The following TBC1D5 variants were observed in gnomAD, a reference collection of about 807,000 sequenced individuals.
TBC1D5 encodes the protein TBC1 domain family member 5.
In TBC1D5, 75 loss-of-function variants were observed where a neutral mutation model predicts 100.3. The ratio of observed to expected loss-of-function variants is 0.75; its 90% CI spans 0.62 to 0.91. The LOEUF is 0.91. Ranked by LOEUF, TBC1D5 falls within the 40% of genes least tolerant of loss-of-function variation. The pLI is 0.00. For synonymous variants in TBC1D5, 323 were observed against 325.6 expected (o/e 0.99, Z 0.09); for missense variants, 910 against 942.4 (o/e 0.97, Z 0.45).
At chr3:17,202,151 TA>T (rs2071539846) in intron 18 of TBC1D5, among the ~76,000 whole-genome samples, 1 of 152,222 alleles carries the variant, frequency 6.6e-6, no homozygotes, top group African/African-American at 2.4e-5. Context: ...ATGAGAAACT[TA>T]TTGGGAATTA....
At chr3:17,742,323 T>G (rs1560604498), upstream of TBC1D5, among the ~76,000 whole-genome samples, 2 of 152,088 alleles carry the variant, frequency 1.3e-5, no homozygotes, top group African/African-American at 4.8e-5. Context: ...CGGCGGCGGC[T>G]GCGGCTGCAG....
chr3:17,631,499 G>A (rs1378880727), intron 1 of TBC1D5, among the ~76,000 whole-genome samples: 1 of 152,198 alleles, frequency 6.6e-6, no homozygotes, highest in Non-Finnish European at 1.5e-5. Flanking sequence ...CAATGTAGAC[G>A]AAACAATATA....
At chr3:17,455,327 T>TAA (rs1559923545) in intron 3 of TBC1D5, among the ~76,000 whole-genome samples, 194 of 145,156 alleles carry the variant, frequency 1.3e-3, no homozygotes, top group African/African-American at 5.0e-3. Flanking sequence ...TGTATATGTG[T>TAA]ATATATGTAT....
intron 2 of TBC1D5, among the ~76,000 whole-genome samples, chr3:17,603,773 G>A (rs895304603): frequency 3.3e-5 from 5 of 151,902 alleles, no homozygotes; most frequent in African/African-American, 7.3e-5. Flanking sequence ...TCAACCTCCC[G>A]AGTAGCTGGG....
intron 18 of TBC1D5, among the ~76,000 whole-genome samples, chr3:17,203,231 G>A (rs574249546): frequency 1.3e-5 from 2 of 152,242 alleles, no homozygotes; most frequent in African/African-American, 2.4e-5. Flanking sequence ...TGACTGCCCT[G>A]CTGGGTTTCA....
At chr3:17,422,579 A>T (rs972650557) in intron 4 of TBC1D5, among the ~76,000 whole-genome samples, 7 of 152,094 alleles carry the variant, frequency 4.6e-5, no homozygotes, top group African/African-American at 9.7e-5. Context: ...CTGAATTTTA[A>T]ATCTTGCTGC....
intron 4 of TBC1D5, among the ~76,000 whole-genome samples, chr3:17,425,513 G>T (rs2094314990): frequency 6.6e-6 from 1 of 152,138 alleles, no homozygotes; most frequent in African/African-American, 2.4e-5. Flanking sequence ...TGTCGTCCCA[G>T]CTACTCAGGA....
intron 2 of TBC1D5, among the ~76,000 whole-genome samples, chr3:17,522,989 T>C (rs1307615236): frequency 6.6e-6 from 1 of 152,170 alleles, no homozygotes. Flanking sequence ...TTGAACAAAT[T>C]AGCATCATTT....
At chr3:17,452,459 T>C (rs1426887016) in intron 3 of TBC1D5, among the ~76,000 whole-genome samples, 2 of 152,054 alleles carry the variant, frequency 1.3e-5, no homozygotes, top group Admixed American at 6.6e-5. Flanking sequence ...TAAGGATACA[T>C]AGAGACTGAA....
At chr3:17,514,800 A>G (rs901407889) in intron 2 of TBC1D5, among the ~76,000 whole-genome samples, 35 of 152,276 alleles carry the variant, frequency 2.3e-4, no homozygotes, top group Middle Eastern at 6.8e-3. Context: ...GTGTATTCTC[A>G]TACAGTTTCA....
At chr3:17,456,668 T>C (rs1672073240) in intron 3 of TBC1D5, among the ~76,000 whole-genome samples, 2 of 152,200 alleles carry the variant, frequency 1.3e-5, no homozygotes, top group African/African-American at 4.8e-5. Flanking sequence ...GGTGAGGATG[T>C]AGAACTCTTA....
At chr3:17,521,241 C>T (rs566173020) in intron 2 of TBC1D5, among the ~76,000 whole-genome samples, 27 of 152,196 alleles carry the variant, frequency 1.8e-4, no homozygotes, top group East Asian at 1.5e-3. Flanking sequence ...TGAACTGCAC[C>T]GGTCCATGTG....
At chr3:17,633,445 G>GA (rs2063657480) in intron 1 of TBC1D5, among the ~76,000 whole-genome samples, 1 of 151,624 alleles carries the variant, frequency 6.6e-6, no homozygotes, top group African/African-American at 2.4e-5. Flanking sequence ...CTCAAAAAAA[G>GA]AAAAAATAAC....
intron 3 of TBC1D5, among the ~76,000 whole-genome samples, chr3:17,452,937 T>TAA (rs139238946): frequency 5.1e-4 from 77 of 149,856 alleles, no homozygotes; most frequent in Middle Eastern, 3.5e-3. Flanking sequence ...CTTAAAACAT[T>TAA]AAAAAAAAAT....
At chr3:17,526,769 AT>A (rs899266600) in intron 2 of TBC1D5, among the ~76,000 whole-genome samples, 1 of 152,230 alleles carries the variant, frequency 6.6e-6, no homozygotes, top group Non-Finnish European at 1.5e-5. Context: ...TAGTGAATAT[AT>A]TTACACAGTA....
chr3:17,706,858 C>A, intron 1 of TBC1D5, among the ~76,000 whole-genome samples: 1 of 150,402 alleles, frequency 6.6e-6, no homozygotes, highest in East Asian at 1.9e-4. Context: ...TTAAGAAAGA[C>A]CTTTTTTTTT....
At chr3:17,335,775 GA>G (rs987660950) in intron 13 of TBC1D5, among the ~76,000 whole-genome samples, 6 of 152,108 alleles carry the variant, frequency 3.9e-5, no homozygotes, top group Non-Finnish European at 7.4e-5. Flanking sequence ...GAATTCAAGT[GA>G]TGAATTCCCT....
At chr3:17,213,183 C>T (rs1169413889) in intron 18 of TBC1D5, among the ~76,000 whole-genome samples, 1 of 152,168 alleles carries the variant, frequency 6.6e-6, no homozygotes, top group African/African-American at 2.4e-5. Context: ...GTATTCAGTA[C>T]AGCACCATGC....
At chr3:17,732,320 A>G (rs1022531999) in intron 1 of TBC1D5, among the ~76,000 whole-genome samples, 2 of 151,896 alleles carry the variant, frequency 1.3e-5, no homozygotes, top group African/African-American at 4.8e-5. Context: ...TCCATCTCAA[A>G]AAACAAAAAA....
Sources: allele counts gnomAD v4.1 joint callset (sites outside exome capture counted in the v4.1 genomes callset), GRCh38; gene constraint gnomAD v4.1.1; transcripts MANE v1.5; gene names NCBI Gene and HGNC (gene_info 2026-07-23, HGNC 2026-07-21).